Variants in SND1 observed in about 807,000 individuals in gnomAD.
The protein encoded by SND1 is staphylococcal nuclease and tudor domain containing 1.
SND1 carries 38 observed loss-of-function variants against 121.7 expected under a neutral mutation model. The observed-to-expected ratio is 0.31, with a 90% confidence interval of 0.24 to 0.41. SND1 has a LOEUF of 0.41. Ranked by LOEUF, SND1 falls within the 10% of genes least tolerant of loss-of-function variation. The pLI is 1.00. For synonymous variants in SND1, 401 were observed against 447.4 expected (o/e 0.90, Z 1.31); for missense variants, 868 against 1,184.6 (o/e 0.73, Z 3.92).
intron 10 of SND1, among the ~76,000 whole-genome samples, chr7:127,735,257 G>A (rs921118965): frequency 1.3e-5 from 2 of 152,120 alleles, no homozygotes; most frequent in African/African-American, 2.4e-5. Flanking sequence ...AGTATTGAGT[G>A]GACTTCTTCC....
At chr7:127,764,038 C>CAA (rs60053474) in intron 10 of SND1, among the ~76,000 whole-genome samples, 2,686 of 76,348 alleles carry the variant, frequency 0.035, 91 homozygotes, top group African/African-American at 0.063. Context: ...GACCCTGTCG[C>CAA]AAAAAAAAAA....
Position 128,052,564 on chromosome 7 carries a change from C to T in SND1, c.1780-21938C>T, listed in dbSNP as rs1344465244. Among the ~76,000 whole-genome samples the T allele has an allele frequency of 2.6e-5, 4 of 152,250 alleles. No individual in the cohort carries two copies. In the South Asian group the frequency reaches 6.2e-4, roughly 24 times the overall value. On this transcript the variant is annotated intron_variant, in intron 16 of 23. Coordinates refer to ENST00000354725, the MANE Select transcript of SND1 (RefSeq NM_014390.4). The surrounding 1 kb of genome is among the most constrained non-coding windows in gnomAD (Gnocchi z 4.6). ...CTGTCTTCCAAGTCACGGATGTTGA[C>T]GAGGCCTGTGTGTGTATCTGCATGC...
chr7:127,707,761 G>A, intron 9 of SND1, 114 bp downstream of exon 9: 2 of 716,394 alleles, frequency 2.8e-6, no homozygotes, highest in Non-Finnish European at 4.7e-6. Context: ...AGGCAAGCCA[G>A]TAGGAGTGTG....
chr7:128,089,714 C>T (rs1260905695), intron 22 of SND1, 22 bp downstream of exon 22: 12 of 1,606,438 alleles, frequency 7.5e-6, no homozygotes, highest in Non-Finnish European at 1.0e-5. Flanking sequence ...GGAGAGGCGG[C>T]CCCAGCATTG....
At chr7:127,775,250 C>T (rs4731381) in intron 10 of SND1, among the ~76,000 whole-genome samples, 49,742 of 151,728 alleles carry the variant, frequency 0.33, 8,990 homozygotes, top group Admixed American at 0.42. Context: ...TGACTTCTGG[C>T]TCTGAACTGT....
intron 10 of SND1, among the ~76,000 whole-genome samples, chr7:127,806,957 T>TG (rs1362651290): frequency 6.6e-6 from 1 of 152,068 alleles, no homozygotes; most frequent in Admixed American, 6.5e-5. Context: ...AGACTCTGTC[T>TG]GAAAAAAAAG....
In SND1 at chr7:127,954,441, C is replaced by T. The variant is rs190173203; in HGVS notation, c.1669+25112C>T. Among the ~76,000 whole-genome samples, 8 of 152,074 alleles carry T rather than the reference C, an allele frequency of 5.3e-5. No homozygotes were observed. The East Asian group carries it at 5.8e-4, about 11-fold the overall frequency. ...CTTCTCCTTGATTAAATAGTGGCTC[C>T]GATGGTCTCTTGAAGCAGGGTTGAA... On this transcript the variant is annotated intron_variant, in intron 15 of 23. Transcript: ENST00000354725.
chr7:127,911,393 G>A (rs957497734), intron 14 of SND1, among the ~76,000 whole-genome samples: 2 of 152,078 alleles, frequency 1.3e-5, no homozygotes, highest in Admixed American at 1.3e-4. Context: ...CAAAAAAATA[G>A]AGATGGGGTC....
At chr7:127,976,644 TC>T (rs1802127500) in intron 15 of SND1, among the ~76,000 whole-genome samples, 1 of 152,242 alleles carries the variant, frequency 6.6e-6, no homozygotes, top group African/African-American at 2.4e-5. Flanking sequence ...TCCTTTTCTT[TC>T]CCTCAGGTCT....
chr7:127,928,507 C>CTT (rs745644708), intron 14 of SND1, among the ~76,000 whole-genome samples: 16 of 109,466 alleles, frequency 1.5e-4, no homozygotes, highest in Admixed American at 2.8e-4. Context: ...CTAGGCGTCG[C>CTT]TTTTTTTTTT....
chr7:128,036,573 TA>T (rs1792754826), intron 16 of SND1, among the ~76,000 whole-genome samples: 1 of 152,200 alleles, frequency 6.6e-6, no homozygotes, highest in South Asian at 2.1e-4. Flanking sequence ...GAGCAATTTT[TA>T]AAAACCTTGG....
chr7:127,982,399 A>T (rs1010515323), intron 15 of SND1, among the ~76,000 whole-genome samples: 1 of 152,026 alleles, frequency 6.6e-6, no homozygotes, highest in African/African-American at 2.4e-5. Flanking sequence ...CCCAGTTCTG[A>T]CTCCCCTGAC....
intron 12 of SND1, among the ~76,000 whole-genome samples, chr7:127,852,414 G>A (rs1243485222): frequency 6.6e-6 from 1 of 151,056 alleles, no homozygotes; most frequent in East Asian, 1.9e-4. Flanking sequence ...CTTGAACCCT[G>A]GAGGCAGAAG....
chr7:127,854,185 T>A (rs1318056303), intron 12 of SND1, among the ~76,000 whole-genome samples: 1 of 152,148 alleles, frequency 6.6e-6, no homozygotes, highest in Non-Finnish European at 1.5e-5. Flanking sequence ...AGTGCAGGGG[T>A]GTGATCTCAG....
chr7:127,958,291 C>T (rs1347958193), intron 15 of SND1, among the ~76,000 whole-genome samples: 1 of 152,210 alleles, frequency 6.6e-6, no homozygotes, highest in Non-Finnish European at 1.5e-5. Context: ...TTTACCAATG[C>T]TGTTACGTGC....
At chr7:127,722,413 G>T (rs1796512463) in intron 10 of SND1, among the ~76,000 whole-genome samples, 1 of 151,470 alleles carries the variant, frequency 6.6e-6, no homozygotes, top group Non-Finnish European at 1.5e-5. Flanking sequence ...CAAACTCCTG[G>T]GCTCAAACAG....
intron 10 of SND1, among the ~76,000 whole-genome samples, chr7:127,804,807 A>G (rs955934624): frequency 6.6e-6 from 1 of 152,116 alleles, no homozygotes; most frequent in Non-Finnish European, 1.5e-5. Context: ...AAGGCTATGT[A>G]AGGTCAGTGT....
chr7:128,071,622 T>C (rs936471485), intron 16 of SND1, among the ~76,000 whole-genome samples: 1 of 152,230 alleles, frequency 6.6e-6, no homozygotes, highest in African/African-American at 2.4e-5. Context: ...ACCTCTGCTT[T>C]CAATCTCCGT....
At chr7:127,933,054 G>A (rs73721258) in intron 15 of SND1, among the ~76,000 whole-genome samples, 11,720 of 152,142 alleles carry the variant, frequency 0.077, 1,383 homozygotes, top group African/African-American at 0.25. Flanking sequence ...TCCCAGAGGT[G>A]AAAAAGAGAA....
Sources: gnomAD v4.1 joint callset for allele counts (sites outside exome capture counted in the v4.1 genomes callset) on GRCh38, gnomAD v4.1.1 for gene constraint, Gnocchi (gnomAD v3.1) non-coding constraint, MANE v1.5 for transcripts, NCBI Gene and HGNC (gene_info 2026-07-23, HGNC 2026-07-21) for gene names.